Variants in GAD1 observed in about 807,000 individuals in gnomAD.
GAD1 encodes glutamate decarboxylase 1, also known as 67 kDa glutamic acid decarboxylase.
A neutral mutation model predicts 75.2 loss-of-function variants in GAD1; 35 were observed. The observed-to-expected ratio is 0.47, with a 90% CI of 0.36 to 0.62. The LOEUF is 0.62. GAD1 is among the 20% of genes least tolerant of loss of function. The probability of loss-of-function intolerance (pLI) is 0.00; values close to 1 mark genes in which losing one functional copy is unlikely to be tolerated. For missense variants in GAD1, 490 were observed against 758.5 expected (o/e 0.65, Z 4.16); for synonymous variants, 257 against 271.9 (o/e 0.95, Z 0.54).
chr2:170,820,604 C>T (rs1045815385), intron 2 of GAD1, among the ~76,000 whole-genome samples: 12 of 152,236 alleles, frequency 7.9e-5, no homozygotes, highest in Non-Finnish European at 1.8e-4. Context: ...GTTCCAGAAA[C>T]CCTTGGGTGG....
intron 6 of GAD1, among the ~76,000 whole-genome samples, chr2:170,843,528 A>G (rs182181778): frequency 3.4e-4 from 52 of 152,218 alleles, no homozygotes; most frequent in Non-Finnish European, 4.4e-4. Flanking sequence ...AATTATCTTC[A>G]CAGTTAGCCT....
intron 5 of GAD1, among the ~76,000 whole-genome samples, chr2:170,835,128 TGAAAA>T (rs1702341075): frequency 6.6e-6 from 1 of 152,182 alleles, no homozygotes; most frequent in South Asian, 2.1e-4. Context: ...TTGTCATACC[TGAAAA>T]GAAAAATTTA....
chr2:170,837,559 C>T (rs962109220), intron 6 of GAD1, among the ~76,000 whole-genome samples: 19 of 152,234 alleles, frequency 1.2e-4, no homozygotes, highest in African/African-American at 4.1e-4. Flanking sequence ...CATGCATGTG[C>T]CCTCTTTTAA....
chr2:170,850,067 G>A (rs1370950784), intron 12 of GAD1, among the ~76,000 whole-genome samples: 1 of 152,224 alleles, frequency 6.6e-6, no homozygotes, highest in Non-Finnish European at 1.5e-5. Context: ...CACCTATCAT[G>A]AGCCAGGTAG....
chr2:170,824,490 T>TA (rs947579204), intron 3 of GAD1, among the ~76,000 whole-genome samples: 2 of 151,974 alleles, frequency 1.3e-5, no homozygotes, highest in African/African-American at 4.8e-5. Context: ...CAGGTTGGTT[T>TA]ACCCTTTCAC....
intron 3 of GAD1, among the ~76,000 whole-genome samples, chr2:170,823,697 G>A (rs1378572427): frequency 2.4e-5 from 3 of 123,898 alleles, no homozygotes; most frequent in African/African-American, 9.1e-5. Context: ...TTAATGGCCC[G>A]TTTCGCGCCA....
intron 5 of GAD1, among the ~76,000 whole-genome samples, chr2:170,835,194 T>A (rs1702341860): frequency 6.6e-6 from 1 of 152,372 alleles, no homozygotes; most frequent in East Asian, 1.9e-4. Flanking sequence ...AATTGTATCA[T>A]GAACGTCATA....
At chr2:170,829,788 T>C (rs1003393541) in intron 4 of GAD1, 155 bp downstream of exon 4, 2 of 805,932 alleles carry the variant, frequency 2.5e-6, no homozygotes, top group African/African-American at 3.4e-5. Flanking sequence ...GGGAATATAA[T>C]TGACTCCCTC....
intron 6 of GAD1, among the ~76,000 whole-genome samples, chr2:170,840,729 A>G (rs1447099393): frequency 6.6e-6 from 1 of 151,980 alleles, no homozygotes; most frequent in African/African-American, 2.4e-5. Context: ...AAAATTAAAA[A>G]AAAAACCTTC....
At chr2:170,819,818 T>G (rs961599918) in intron 2 of GAD1, among the ~76,000 whole-genome samples, 4 of 152,194 alleles carry the variant, frequency 2.6e-5, no homozygotes, top group African/African-American at 9.7e-5. Flanking sequence ...ACTTTATATT[T>G]GAGAAAATAA....
In GAD1 at chr2:170,818,660, C is replaced by T; in HGVS notation, c.69C>T (p.Asn23=). 1.9e-6 allele frequency: 3 copies of T among 1,614,198 alleles called. No individual in the cohort carries two copies. The highest frequency in any genetic ancestry group is 2.5e-6 in the Non-Finnish European group (3 of 1,180,028). ...SNAGADPNTT[N]LRPTTYDTWC... ...CGGGAGCGGACCCCAATACCACTAA[C>T]CTGCGCCCCACAAGTAGGTCCCGCC... The change falls in exon 2 of 17, where the codon AAC becomes AAT. Residue 23 remains asparagine, a synonymous_variant. Coordinates refer to ENST00000358196, the MANE Select transcript of GAD1 (RefSeq NM_000817.3). This position sits in a 1 kb window ranked among gnomAD's most constrained non-coding sequence, Gnocchi z 5.9.
Position 170,827,257 on chromosome 2 carries a change from C to T in GAD1, c.146-2218C>T, listed in dbSNP as rs555109496. The stretch of plus-strand genomic sequence containing the variant: ...AGCAAAGCTGAATTCTCCAGATTAA[C>T]TTGCCTTTTTGCACCTCTTGGGACT... On this transcript the variant is annotated intron_variant, in intron 3 of 16. Coordinates refer to ENST00000358196, the MANE Select transcript of GAD1 (RefSeq NM_000817.3). 2.3e-3 allele frequency among the ~76,000 whole-genome samples: 357 copies of T among 152,342 alleles called. 1 individual carries two copies. The highest frequency in any genetic ancestry group is 8.4e-3 in the African/African-American group (350 of 41,576).
intron 14 of GAD1, among the ~76,000 whole-genome samples, chr2:170,856,487 T>C (rs1037699834): frequency 7.2e-5 from 11 of 152,236 alleles, no homozygotes; most frequent in Admixed American, 7.2e-4. Flanking sequence ...GTTTTTCTGA[T>C]GAAGAACCAG....
intron 6 of GAD1, 160 bp from the exon 7 acceptor site, chr2:170,843,885 C>T (rs1472474317): frequency 1.1e-5 from 7 of 629,374 alleles, no homozygotes; most frequent in Admixed American, 7.2e-5. Context: ...ATTTTATGAT[C>T]GGCGACTTAA....
rs1010145080 is a variant in GAD1, at chr2:170,823,533, G to T, written c.145+1384G>T. Among the ~76,000 whole-genome samples, 4 of 152,082 alleles carry T rather than the reference G, an allele frequency of 2.6e-5. No individual in the cohort carries two copies. The East Asian group carries it at 7.7e-4, about 29-fold the overall frequency. On this transcript the variant is annotated intron_variant, in intron 3 of 16. Coordinates refer to ENST00000358196, the MANE Select transcript of GAD1 (RefSeq NM_000817.3). ...AGCCCTGCCGCCGGGCGGCCTGGGA[G>T]TTTGGCCTTCTCCCCAGCGCAGGAC...
chr2:170,842,255 C>G lies in GAD1; in HGVS notation c.639-1790C>G, dbSNP rs146567049. ...CCATGTGGTTCCTGCCTGGCCAACA[C>G]TGACTTGATCCTAAGCCAACTTTCA... On this transcript the variant is annotated intron_variant, in intron 6 of 16. Transcript: ENST00000358196. Among the ~76,000 whole-genome samples, 296 of 152,324 alleles carry G rather than the reference C, an allele frequency of 1.9e-3. 4 individuals are homozygous for G. The highest frequency in any genetic ancestry group is 6.5e-3 in the African/African-American group (272 of 41,560).
chr2:170,814,794 A>G (rs1014475562), upstream of GAD1, among the ~76,000 whole-genome samples: 4 of 152,344 alleles, frequency 2.6e-5, no homozygotes, highest in Non-Finnish European at 4.4e-5. Context: ...CTAGCCTTGC[A>G]GGAGATTCCT....
intron 2 of GAD1, among the ~76,000 whole-genome samples, chr2:170,820,305 C>A (rs1488665712): frequency 1.3e-5 from 2 of 152,228 alleles, no homozygotes; most frequent in African/African-American, 4.8e-5. Flanking sequence ...GAGGCGATGA[C>A]CTGAATCCGC....
intron 1 of GAD1, chr2:170,817,568 AGCCCGCAATCTCTCTGTCCCGG>A (rs1701741783): frequency 6.6e-6 from 1 of 152,260 alleles, no homozygotes; most frequent in Non-Finnish European, 1.5e-5. Flanking sequence ...TACCCAGATT[AGCCCGCAATCTCTCTGTCCCGG>A]GGCCTTCGGG....
Sources: gnomAD v4.1 joint callset for allele counts (sites outside exome capture counted in the v4.1 genomes callset) on GRCh38, gnomAD v4.1.1 for gene constraint, Gnocchi (gnomAD v3.1) non-coding constraint, MANE v1.5 for transcripts, NCBI Gene and HGNC (gene_info 2026-07-23, HGNC 2026-07-21) for gene names.